Variants in THSD7B observed in about 807,000 individuals in gnomAD.
THSD7B encodes thrombospondin type 1 domain containing 7B, also known as thrombospondin type-1 domain-containing protein 7B.
Under a neutral mutation model 213.6 loss-of-function variants are expected in THSD7B, and 138 were observed. The ratio of observed to expected loss-of-function variants is 0.65; its 90% CI spans 0.56 to 0.74. The LOEUF (loss-of-function observed/expected upper bound fraction) is 0.74, where lower values mean the gene tolerates loss of function less well. Among genes scored for constraint, THSD7B ranks in the 30% least tolerant of loss-of-function variants. THSD7B has a pLI of 0.00. For missense variants in THSD7B, 1,931 were observed against 1,991.5 expected (o/e 0.97, Z 0.58); for synonymous variants, 742 against 687.0 (o/e 1.08, Z -1.25).
At chr2:136,976,811 C>T (rs1367270879) in intron 2 of THSD7B, among the ~76,000 whole-genome samples, 6 of 151,942 alleles carry the variant, frequency 3.9e-5, no homozygotes, top group Non-Finnish European at 8.8e-5. Context: ...TTAGTAGAGA[C>T]GGGGTTTCAC....
intron 10 of THSD7B, among the ~76,000 whole-genome samples, chr2:137,253,576 G>C (rs2105075573): frequency 6.6e-6 from 1 of 152,218 alleles, no homozygotes; most frequent in Non-Finnish European, 1.5e-5. Context: ...CATATCTGTA[G>C]AATTCTCTGC....
intron 5 of THSD7B, among the ~76,000 whole-genome samples, chr2:137,118,869 AG>A (rs1688491286): frequency 6.6e-6 from 1 of 152,184 alleles, no homozygotes; most frequent in Non-Finnish European, 1.5e-5. Flanking sequence ...TCATGGCAGA[AG>A]GGGAAAGACA....
intron 6 of THSD7B, among the ~76,000 whole-genome samples, chr2:137,165,613 A>G (rs937729218): frequency 6.6e-6 from 1 of 152,148 alleles, no homozygotes; most frequent in African/African-American, 2.4e-5. Context: ...TGGGGTACAC[A>G]GGCTAATGCA....
intron 12 of THSD7B, among the ~76,000 whole-genome samples, chr2:137,307,453 G>A (rs1195635342): frequency 6.6e-6 from 1 of 152,080 alleles, no homozygotes; most frequent in African/African-American, 2.4e-5. Context: ...AGGAGGCTGT[G>A]AATCAATACG....
intron 1 of THSD7B, among the ~76,000 whole-genome samples, chr2:136,866,073 C>T (rs1018224269): frequency 1.3e-5 from 2 of 152,130 alleles, no homozygotes; most frequent in Non-Finnish European, 2.9e-5. Flanking sequence ...TCTGGTTCCC[C>T]AAAAGTATTG....
chr2:136,850,365 G>A (rs1683079632), intron 1 of THSD7B, among the ~76,000 whole-genome samples: 1 of 151,912 alleles, frequency 6.6e-6, no homozygotes, highest in Non-Finnish European at 1.5e-5. Context: ...TTCTCTTTGA[G>A]CACATTGGAA....
At chr2:137,362,757 A>G (rs952119616) in intron 12 of THSD7B, among the ~76,000 whole-genome samples, 6 of 152,210 alleles carry the variant, frequency 3.9e-5, no homozygotes, top group African/African-American at 1.4e-4. Flanking sequence ...AGACCTACAA[A>G]GAGACTTATA....
At chr2:137,296,032 G>A (rs1382644615) in intron 12 of THSD7B, among the ~76,000 whole-genome samples, 1 of 152,058 alleles carries the variant, frequency 6.6e-6, no homozygotes, top group Non-Finnish European at 1.5e-5. Context: ...CCTGTTAGAA[G>A]GTTAAAAGTC....
intron 1 of THSD7B, among the ~76,000 whole-genome samples, chr2:136,868,542 C>A (rs1376388945): frequency 6.6e-6 from 1 of 152,136 alleles, no homozygotes; most frequent in African/African-American, 2.4e-5. Context: ...GAATGCAAAG[C>A]TATATTTACA....
At chr2:137,396,677 G>A (rs952514698) in intron 12 of THSD7B, among the ~76,000 whole-genome samples, 3 of 138,256 alleles carry the variant, frequency 2.2e-5, no homozygotes, top group Admixed American at 1.4e-4. Flanking sequence ...ATGTCTATTA[G>A]GTCCGCTTGG....
At chr2:137,121,524 A>T (rs1688546925) in intron 5 of THSD7B, among the ~76,000 whole-genome samples, 1 of 152,212 alleles carries the variant, frequency 6.6e-6, no homozygotes, top group African/African-American at 2.4e-5. Flanking sequence ...AAGGGAGATT[A>T]TGAATGACCT....
intron 5 of THSD7B, among the ~76,000 whole-genome samples, chr2:137,136,924 A>G (rs942173335): frequency 6.6e-6 from 1 of 152,206 alleles, no homozygotes; most frequent in South Asian, 2.1e-4. Flanking sequence ...ACTGAAGGAA[A>G]CATAATCACA....
At chr2:137,479,415 G>T in intron 15 of THSD7B, 2 of 306,820 alleles carry the variant, frequency 6.5e-6, no homozygotes, top group South Asian at 5.0e-5. Flanking sequence ...GCTTCCCAGT[G>T]GTGCATGCAG....
intron 2 of THSD7B, among the ~76,000 whole-genome samples, chr2:136,882,659 G>T (rs1015128636): frequency 6.6e-6 from 1 of 152,124 alleles, no homozygotes; most frequent in African/African-American, 2.4e-5. Context: ...AGCTAAGAAC[G>T]CTTTGGACCA....
intron 12 of THSD7B, among the ~76,000 whole-genome samples, chr2:137,331,912 G>A (rs1443361863): frequency 6.6e-6 from 1 of 152,048 alleles, no homozygotes; most frequent in Non-Finnish European, 1.5e-5. Context: ...GTGCGGGCCC[G>A]CCAAGCCCAC....
chr2:136,974,448 GA>G (rs1485183985), intron 2 of THSD7B, among the ~76,000 whole-genome samples: 1 of 152,100 alleles, frequency 6.6e-6, no homozygotes, highest in Non-Finnish European at 1.5e-5. Flanking sequence ...GAAAATGTGG[GA>G]TTTGGTTTTC....
intron 2 of THSD7B, among the ~76,000 whole-genome samples, chr2:137,014,801 G>T (rs1023820452): frequency 2.6e-5 from 4 of 152,052 alleles, no homozygotes; most frequent in African/African-American, 9.7e-5. Context: ...TTCCCCTCTT[G>T]CTTTCTGTGC....
intron 7 of THSD7B, among the ~76,000 whole-genome samples, chr2:137,225,929 T>C (rs999463029): frequency 6.6e-6 from 1 of 151,834 alleles, no homozygotes; most frequent in Non-Finnish European, 1.5e-5. Flanking sequence ...TTATTGGTTC[T>C]GAATATAAAC....
intron 22 of THSD7B, 120 bp downstream of exon 22, chr2:137,655,780 T>G (rs544433387): frequency 1.5e-4 from 188 of 1,237,436 alleles, no homozygotes; most frequent in Admixed American, 1.3e-3. Flanking sequence ...CTTTAATTCA[T>G]TTTTAATTGT....
Sources: allele counts gnomAD v4.1 joint callset (sites outside exome capture counted in the v4.1 genomes callset), GRCh38; gene constraint gnomAD v4.1.1; transcripts MANE v1.5; gene names NCBI Gene and HGNC (gene_info 2026-07-23, HGNC 2026-07-21).